Variants in RIMS2 observed in about 807,000 individuals in gnomAD.
RIMS2 encodes the protein regulating synaptic membrane exocytosis protein 2.
RIMS2 carries 59 observed loss-of-function variants against 174.4 expected under a neutral mutation model. The observed-to-expected ratio is 0.34, with a 90% confidence interval of 0.27 to 0.42. RIMS2 has a LOEUF of 0.42. Ranked by LOEUF, RIMS2 falls within the 10% of genes least tolerant of loss-of-function variation. RIMS2 has a pLI of 1.00. For missense variants in RIMS2, 1,620 were observed against 1,666.3 expected (o/e 0.97, Z 0.48); for synonymous variants, 606 against 572.5 (o/e 1.06, Z -0.84).
chr8:103,514,859 C>G (rs191813079), intron 1 of RIMS2, among the ~76,000 whole-genome samples: 346 of 151,838 alleles, frequency 2.3e-3, no homozygotes, highest in Middle Eastern at 0.01. Context: ...GATGGCGCCA[C>G]TGCACTTCAG....
chr8:103,587,437 AAAG>A (rs1261133456), intron 1 of RIMS2, among the ~76,000 whole-genome samples: 7 of 123,326 alleles, frequency 5.7e-5, no homozygotes, highest in Non-Finnish European at 1.3e-4. Context: ...AGAAAGAAAG[AAAG>A]AAAGAAAGAA....
chr8:103,971,952 T>C (rs2092930778), intron 15 of RIMS2, among the ~76,000 whole-genome samples: 1 of 152,178 alleles, frequency 6.6e-6, no homozygotes, highest in African/African-American at 2.4e-5. Flanking sequence ...CTTTTTCATC[T>C]AGTCACAAAA....
intron 19 of RIMS2, among the ~76,000 whole-genome samples, chr8:104,142,591 A>G (rs1365783236): frequency 6.6e-6 from 1 of 152,222 alleles, no homozygotes; most frequent in Non-Finnish European, 1.5e-5. Flanking sequence ...TTTGGAAATT[A>G]CAGGCCTCCT....
At chr8:103,888,205 G>C (rs1345705054) in intron 4 of RIMS2, among the ~76,000 whole-genome samples, 2 of 151,442 alleles carry the variant, frequency 1.3e-5, no homozygotes, top group Non-Finnish European at 3.0e-5. Flanking sequence ...CAAGTGGGGA[G>C]AGATAAACTA....
chr8:104,006,505 G>A (rs1333554668), intron 17 of RIMS2, among the ~76,000 whole-genome samples: 1 of 151,964 alleles, frequency 6.6e-6, no homozygotes, highest in East Asian at 1.9e-4. Flanking sequence ...AGCTGAGATG[G>A]TGCCATTGTA....
chr8:104,046,179 G>A (rs1487156290), intron 19 of RIMS2, among the ~76,000 whole-genome samples: 1 of 152,016 alleles, frequency 6.6e-6, no homozygotes, highest in Non-Finnish European at 1.5e-5. Flanking sequence ...AACAAATTTA[G>A]TGTCTGGCTA....
chr8:104,053,953 G>A (rs576859950), intron 19 of RIMS2, among the ~76,000 whole-genome samples: 9 of 152,026 alleles, frequency 5.9e-5, no homozygotes, highest in Non-Finnish European at 1.3e-4. Context: ...ATTCAGAAAG[G>A]GATATTTAAC....
chr8:103,616,876 C>T (rs1334576264), intron 1 of RIMS2, among the ~76,000 whole-genome samples: 1 of 152,044 alleles, frequency 6.6e-6, no homozygotes, highest in East Asian at 1.9e-4. Context: ...TCAGAGAAGA[C>T]AAAAACAAAT....
chr8:103,590,918 G>T (rs1290938632), intron 1 of RIMS2, among the ~76,000 whole-genome samples: 1 of 150,944 alleles, frequency 6.6e-6, no homozygotes, highest in Non-Finnish European at 1.5e-5. Context: ...AAGTGAAATT[G>T]CTGGATCGTA....
At chr8:103,886,363 A>G in intron 4 of RIMS2, 140 bp downstream of exon 7, 1 of 680,436 alleles carries the variant, frequency 1.5e-6, no homozygotes, top group Non-Finnish European at 2.4e-6. Flanking sequence ...GAACGTGTGA[A>G]GAAAATTTCG....
At chr8:103,594,086 A>C (rs1305301394) in intron 1 of RIMS2, among the ~76,000 whole-genome samples, 1 of 151,648 alleles carries the variant, frequency 6.6e-6, no homozygotes, top group Non-Finnish European at 1.5e-5. Context: ...TACTTACAGC[A>C]CTTTCACGAT....
chr8:104,199,420 A>C (rs1436355020), intron 19 of RIMS2, among the ~76,000 whole-genome samples: 1 of 152,176 alleles, frequency 6.6e-6, no homozygotes, highest in African/African-American at 2.4e-5. Flanking sequence ...CTTGATGTTA[A>C]GATGTAAAGG....
intron 1 of RIMS2, among the ~76,000 whole-genome samples, chr8:103,618,838 A>C (rs888859165): frequency 6.6e-6 from 1 of 152,146 alleles, no homozygotes; most frequent in Non-Finnish European, 1.5e-5. Context: ...AGGGTAATGC[A>C]AGGATATTGG....
intron 15 of RIMS2, among the ~76,000 whole-genome samples, chr8:103,970,360 G>A (rs1422084541): frequency 1.3e-5 from 2 of 152,136 alleles, no homozygotes; most frequent in Non-Finnish European, 2.9e-5. Context: ...AGATTGGTTA[G>A]GCTTTGGTTA....
At chr8:103,709,925 A>G (rs2097283416) in intron 2 of RIMS2, among the ~76,000 whole-genome samples, 1 of 152,146 alleles carries the variant, frequency 6.6e-6, no homozygotes, top group South Asian at 2.1e-4. Flanking sequence ...ATTTGTAAAG[A>G]TAGATTTTAG....
intron 19 of RIMS2, among the ~76,000 whole-genome samples, chr8:104,234,940 C>T (rs931354355): frequency 4.6e-5 from 7 of 152,084 alleles, no homozygotes; most frequent in African/African-American, 1.7e-4. Context: ...GATGAAATCT[C>T]CAATTTTTCG....
At chr8:104,025,144 A>G (rs1310142422) in intron 19 of RIMS2, among the ~76,000 whole-genome samples, 1 of 151,918 alleles carries the variant, frequency 6.6e-6, no homozygotes, top group East Asian at 1.9e-4. Flanking sequence ...TAGATATGCT[A>G]TAAATCTACT....
intron 20 of RIMS2, among the ~76,000 whole-genome samples, chr8:104,245,865 C>T (rs2099328123): frequency 6.6e-6 from 1 of 152,176 alleles, no homozygotes; most frequent in African/African-American, 2.4e-5. Context: ...AACATAAATA[C>T]AAGAGATATA....
chr8:104,000,871 C>G (rs1318304954), intron 17 of RIMS2, among the ~76,000 whole-genome samples: 1 of 151,742 alleles, frequency 6.6e-6, no homozygotes, highest in Non-Finnish European at 1.5e-5. Context: ...TGAGAAATGT[C>G]TATTCAAATA....
Sources: gnomAD v4.1 joint callset for allele counts (sites outside exome capture counted in the v4.1 genomes callset) on GRCh38, gnomAD v4.1.1 for gene constraint, MANE v1.5 for transcripts, NCBI Gene and HGNC (gene_info 2026-07-23, HGNC 2026-07-21) for gene names.